Variants in NMT1 observed in about 807,000 individuals in gnomAD.
The protein encoded by NMT1 is N-myristoyltransferase 1.
Under a neutral mutation model 63.4 loss-of-function variants are expected in NMT1, and 12 were observed. That is an observed-to-expected ratio of 0.19 (90% confidence interval 0.12 to 0.31). The LOEUF (loss-of-function observed/expected upper bound fraction) is 0.31, where lower values mean the gene tolerates loss of function less well. NMT1 is among the 10% of genes least tolerant of loss of function. The pLI, the probability that NMT1 is intolerant of heterozygous loss-of-function variation, is 1.00. For synonymous variants in NMT1, 228 were observed against 234.3 expected, an observed-to-expected ratio of 0.97 and a Z score of 0.25; for missense variants, 432 against 634.6, an observed-to-expected ratio of 0.68 and a Z score of 3.43.
intron 2 of NMT1, among the ~76,000 whole-genome samples, chr17:45,082,129 AC>A (rs2054020893): frequency 6.6e-6 from 1 of 152,084 alleles, no homozygotes; most frequent in African/African-American, 2.4e-5. Context: ...TCTTTTTGAG[AC>A]AGAGTCTTAC....
chr17:45,063,507 C>CTTTTTTTTTTTTTT (rs1555604063), intron 1 of NMT1, among the ~76,000 whole-genome samples: 6 of 151,314 alleles, frequency 4.0e-5, no homozygotes, highest in Non-Finnish European at 5.9e-5. Flanking sequence ...TTTGTAGTTG[C>CTTTTTTTTTTTTTT]TTTTATTTTT....
chr17:45,102,056 T>C (rs1413258542), intron 8 of NMT1, among the ~76,000 whole-genome samples: 2 of 152,238 alleles, frequency 1.3e-5, no homozygotes, highest in African/African-American at 2.4e-5. Context: ...TGAGGTATCA[T>C]TGTGGGAGCT....
chr17:45,063,750 G>T (rs1329723745), intron 1 of NMT1, among the ~76,000 whole-genome samples: 3 of 152,106 alleles, frequency 2.0e-5, no homozygotes, highest in Admixed American at 1.3e-4. Flanking sequence ...ACAAAATTTA[G>T]CTGGGCATGG....
At chr17:45,087,775 G>A (rs1246729734) in intron 3 of NMT1, among the ~76,000 whole-genome samples, 5 of 152,178 alleles carry the variant, frequency 3.3e-5, no homozygotes, top group Non-Finnish European at 7.3e-5. Flanking sequence ...AGTATGTTCG[G>A]TGCAGAGGAG....
At chr17:45,096,091 G>T in intron 4 of NMT1, 103 bp from the exon 5 acceptor site, 636 of 788,932 alleles carry the variant, frequency 8.1e-4, no homozygotes, top group East Asian at 1.2e-3. Flanking sequence ...CGTCGTTTTT[G>T]GTAGTTTGCT....
In NMT1 at chr17:45,075,493, A is replaced by G. The variant is rs2053971688; in HGVS notation, c.132-6151A>G. On this transcript the variant is annotated intron_variant, in intron 1 of 11. Transcript: ENST00000258960. ...GAGCGAGACTCTTGTCTTAAAAAAAAAAAAATGGCTGGGCGTGGTGGCTCA... is the reference window on the plus strand; with the variant it reads ...GAGCGAGACTCTTGTCTTAAAAAAAGAAAAATGGCTGGGCGTGGTGGCTCA... 2.0e-5 allele frequency among the ~76,000 whole-genome samples: 3 copies of G among 151,104 alleles called. No homozygotes were observed. In the South Asian group the frequency reaches 6.3e-4, roughly 32 times the overall value.
At chr17:45,063,413 T>A (rs936201012) in intron 1 of NMT1, among the ~76,000 whole-genome samples, 3 of 152,124 alleles carry the variant, frequency 2.0e-5, no homozygotes, top group Non-Finnish European at 2.9e-5. Context: ...GAAGCTCTCC[T>A]GAGTAGAGAT....
rs2054131528 is a variant in NMT1 at position 45,097,301 on chromosome 17, G to T, written c.713+57G>T. 3.8e-6 allele frequency: 5 copies of T among 1,328,314 alleles called. No homozygotes were observed. The East Asian group carries it at 1.2e-4, about 31-fold the overall frequency. 82.3% of individuals were successfully genotyped at this position (1,328,314 alleles called of 1,614,324 possible). On this transcript the variant is annotated intron_variant, in intron 6 of 11. Coordinates refer to ENST00000258960, the MANE Select transcript of NMT1 (RefSeq NM_021079.5). Reference sequence around the variant, plus strand: ...AACACCGCCATCCTGCTTGGTCTGGGAGAGAGTAGAAAAAGGCTGCACAAT... The same window carrying T: ...AACACCGCCATCCTGCTTGGTCTGGTAGAGAGTAGAAAAAGGCTGCACAAT...
chr17:45,067,744 C>G (rs2053912106), intron 1 of NMT1, among the ~76,000 whole-genome samples: 1 of 152,100 alleles, frequency 6.6e-6, no homozygotes, highest in South Asian at 2.1e-4. Context: ...TCACTGATAT[C>G]AAATAAGTGT....
intron 1 of NMT1, among the ~76,000 whole-genome samples, chr17:45,076,500 A>G (rs2053978665): frequency 6.6e-6 from 1 of 151,764 alleles, no homozygotes; most frequent in African/African-American, 2.4e-5. Flanking sequence ...CTGTAATCCT[A>G]GTACTTTGGG....
intron 8 of NMT1, among the ~76,000 whole-genome samples, chr17:45,102,285 A>G (rs995581873): frequency 2.0e-5 from 3 of 152,172 alleles, no homozygotes; most frequent in South Asian, 4.1e-4. Flanking sequence ...GGGATGTTCT[A>G]CCAGCCCCGG....
At position 45,104,804 on chromosome 17, in the gene NMT1, G is replaced by A. The variant is rs921389582; in HGVS notation, c.1333-55G>A. 1.2e-6 allele frequency: 2 copies of A among 1,604,382 alleles called. No individual in the cohort carries two copies. The highest frequency in any genetic ancestry group is 2.7e-5 in the African/African-American group (2 of 74,742). On this transcript the variant is annotated intron_variant, in intron 10 of 11. Transcript: ENST00000258960. This position sits in a 1 kb window ranked among gnomAD's most constrained non-coding sequence, Gnocchi z 4.2. ...TGAAATGGCAGCAAAGGGGTAGGAA[G>A]GAGGCTGTCCCCACCTGTCCTCACC...
intron 6 of NMT1, among the ~76,000 whole-genome samples, chr17:45,097,706 G>A (rs2054135114): frequency 6.6e-6 from 1 of 152,050 alleles, no homozygotes; most frequent in African/African-American, 2.4e-5. Context: ...GTGCAGTGGT[G>A]CGATCTTGGT....
chr17:45,097,244 C>A lies in NMT1; in HGVS notation c.713C>A (p.Thr238Lys), dbSNP rs764674925. ...AIPANIHIYDTEKKMVEINFL... is the reference protein window; with the variant it reads ...AIPANIHIYDKEKKMVEINFL... The stretch of plus-strand genomic sequence containing the variant: ...CCAGCAAACATCCATATCTATGACA[C>A]GTAAGCACCTGCACCTACCCCCACC... The change falls in exon 6 of 12, where the codon ACA becomes AAA. Residue 238 changes from threonine (T) to lysine (K), a missense_variant and splice_region_variant. Transcript: ENST00000258960. The A allele has an allele frequency of 3.1e-6, 5 of 1,606,950 alleles. No individual in the cohort carries two copies. The highest frequency in any genetic ancestry group is 4.3e-6 in the Non-Finnish European group (5 of 1,173,532).
At chr17:45,087,809 G>C (rs976314411) in intron 3 of NMT1, among the ~76,000 whole-genome samples, 7 of 152,172 alleles carry the variant, frequency 4.6e-5, no homozygotes, top group Non-Finnish European at 8.8e-5. Context: ...GGCCAGACAG[G>C]GTAGGGCTAA....
intron 3 of NMT1, among the ~76,000 whole-genome samples, chr17:45,093,264 A>G (rs2054101170): frequency 6.6e-6 from 1 of 152,248 alleles, no homozygotes; most frequent in African/African-American, 2.4e-5. Flanking sequence ...AAATGGGCCC[A>G]GTACATTGTT....
Position 45,061,428 on chromosome 17 carries a change from C to T in NMT1, c.99C>T (p.Cys33=), listed in dbSNP as rs762294220. 5.6e-6 allele frequency: 9 copies of T among 1,613,694 alleles called. 1 individual carries two copies. Among genetic ancestry groups the T allele is most frequent in the South Asian group, 4.4e-5 (4 of 91,020 alleles). Reference sequence around the variant, plus strand: ...ACGGCCATGAGCACTGCAGCGATTGCGAGAATGAGGAGGACAACAGCTACA... The same window carrying T: ...ACGGCCATGAGCACTGCAGCGATTGTGAGAATGAGGAGGACAACAGCTACA... ...NGNGHEHCSD[C]ENEEDNSYNR... is the part of the protein sequence containing the mutation. The change falls in exon 1 of 12, where the codon TGC becomes TGT. Residue 33 remains cysteine, a synonymous_variant. Transcript: ENST00000258960.
chr17:45,070,249 C>CTTTTTTTTTTT, intron 1 of NMT1, among the ~76,000 whole-genome samples: 1 of 146,958 alleles, frequency 6.8e-6, no homozygotes, highest in African/African-American at 2.4e-5. Context: ...CCCAGGGTAC[C>CTTTTTTTTTTT]TTTTTTTGTG....
intron 4 of NMT1, 109 bp downstream of exon 4, chr17:45,093,912 G>A: frequency 1.2e-6 from 1 of 868,744 alleles, no homozygotes; most frequent in Non-Finnish European, 1.9e-6. Flanking sequence ...GCTGAGCCAA[G>A]GAGGTCTGAA....
Sources: gnomAD v4.1 joint callset for allele counts (sites outside exome capture counted in the v4.1 genomes callset) on GRCh38, gnomAD v4.1.1 for gene constraint, Gnocchi (gnomAD v3.1) non-coding constraint, MANE v1.5 for transcripts, NCBI Gene and HGNC (gene_info 2026-07-23, HGNC 2026-07-21) for gene names.